TAS2R1: variants seen among roughly 807,000 people sequenced by gnomAD.
TAS2R1 encodes the protein taste 2 receptor member 1, also known as taste receptor type 2 member 1.
For synonymous variants in TAS2R1, 141 were observed against 134.2 expected (o/e 1.05, Z -0.35); for missense variants, 370 against 353.4 (o/e 1.05, Z -0.38).
chr5:9,849,000 G>C, the TAS2R1 span, among the ~76,000 whole-genome samples: 3 of 152,150 alleles, frequency 2.0e-5, no homozygotes, highest in Non-Finnish European at 4.4e-5. Context: ...AGAAGAATAC[G>C]TTTCCTTGCC....
the TAS2R1 span, among the ~76,000 whole-genome samples, chr5:9,774,636 A>G: frequency 6.6e-6 from 1 of 152,266 alleles, no homozygotes; most frequent in Non-Finnish European, 1.5e-5. Flanking sequence ...ATGTAGCCAT[A>G]TCTGCATTAG....
the TAS2R1 span, among the ~76,000 whole-genome samples, chr5:9,832,641 A>G: frequency 6.6e-6 from 1 of 152,258 alleles, no homozygotes; most frequent in Non-Finnish European, 1.5e-5. Flanking sequence ...GTAAATCAAA[A>G]GCAAAATGAG....
At chr5:9,722,054 CTCT>C in the TAS2R1 span, among the ~76,000 whole-genome samples, 1 of 152,232 alleles carries the variant, frequency 6.6e-6, no homozygotes, top group Non-Finnish European at 1.5e-5. Flanking sequence ...CTCTCTCTCT[CTCT>C]TCTTACTTGC....
rs193275292 is a variant in TAS2R1 at position 9,711,090 on chromosome 5, G to C, written c.-242+1082C>G. 6.9e-3 allele frequency among the ~76,000 whole-genome samples: 1,047 copies of C among 151,762 alleles called. 12 individuals carry two copies. Among genetic ancestry groups the C allele is most frequent in the African/African-American group, 0.024 (1,001 of 41,388 alleles). ...AAATGTAAAATGATGCAGCCTCTATGAAAAACACTATGGAGATCATCAAAA... is the reference window on the plus strand; with the variant it reads ...AAATGTAAAATGATGCAGCCTCTATCAAAAACACTATGGAGATCATCAAAA... On this transcript the variant is annotated intron_variant, in intron 1 of 2. Transcript: ENST00000506620.
At chr5:9,785,743 G>A in the TAS2R1 span, among the ~76,000 whole-genome samples, 9 of 152,152 alleles carry the variant, frequency 5.9e-5, no homozygotes, top group Non-Finnish European at 1.5e-5. Context: ...TCTAAAGACA[G>A]GGCAGGAGGT....
At chr5:9,894,750 A>G in the TAS2R1 span, among the ~76,000 whole-genome samples, 1 of 152,240 alleles carries the variant, frequency 6.6e-6, no homozygotes, top group South Asian at 2.1e-4. Context: ...TCCTAAAATG[A>G]GGTCATCAGC....
the TAS2R1 span, among the ~76,000 whole-genome samples, chr5:9,892,919 G>A: frequency 1.5e-4 from 23 of 151,986 alleles, no homozygotes; most frequent in African/African-American, 5.6e-4. Flanking sequence ...TTGCCCTTGT[G>A]GTCACTCTCA....
At chr5:9,659,359 G>A (rs1216275559) in intron 2 of TAS2R1, 1 of 152,104 alleles carries the variant, frequency 6.6e-6, no homozygotes, top group Non-Finnish European at 1.5e-5. Flanking sequence ...TCTAGACTTA[G>A]ACCAGCTGCC....
the TAS2R1 span, among the ~76,000 whole-genome samples, chr5:9,896,908 C>G: frequency 1.3e-5 from 2 of 152,186 alleles, no homozygotes; most frequent in Non-Finnish European, 2.9e-5. Context: ...AGGGAGACAA[C>G]AATTTGGCTC....
the TAS2R1 span, among the ~76,000 whole-genome samples, chr5:9,798,192 G>C: frequency 6.6e-6 from 1 of 152,238 alleles, no homozygotes; most frequent in South Asian, 2.1e-4. Context: ...TCTACAGAAA[G>C]AGAAGATTCG....
At chr5:9,802,189 A>G in the TAS2R1 span, among the ~76,000 whole-genome samples, 24 of 152,328 alleles carry the variant, frequency 1.6e-4, no homozygotes, top group Non-Finnish European at 2.9e-4. Context: ...CTCCCCTGCT[A>G]CCTTCATGGG....
the TAS2R1 span, among the ~76,000 whole-genome samples, chr5:9,824,839 A>G: frequency 1.2e-5 from 1 of 82,424 alleles, no homozygotes; most frequent in Admixed American, 1.4e-4. Flanking sequence ...AAGAGTGAAA[A>G]CTCTGAAAAA....
At chr5:9,667,390 C>A (rs866563154) in intron 1 of TAS2R1, among the ~76,000 whole-genome samples, 1 of 152,356 alleles carries the variant, frequency 6.6e-6, no homozygotes, top group African/African-American at 2.4e-5. Flanking sequence ...CCTGGAAATA[C>A]CTGGATTGCA....
At chr5:9,810,642 G>C in the TAS2R1 span, among the ~76,000 whole-genome samples, 1 of 152,098 alleles carries the variant, frequency 6.6e-6, no homozygotes, top group African/African-American at 2.4e-5. Context: ...GCAATGGAGA[G>C]ATTACCACCA....
the TAS2R1 span, among the ~76,000 whole-genome samples, chr5:9,789,189 T>C: frequency 4.5e-4 from 68 of 152,116 alleles, no homozygotes; most frequent in African/African-American, 1.5e-3. Flanking sequence ...GGAAAGGTAT[T>C]TGATACAAAG....
chr5:9,858,668 G>C, the TAS2R1 span, among the ~76,000 whole-genome samples: 1 of 152,152 alleles, frequency 6.6e-6, no homozygotes, highest in South Asian at 2.1e-4. Flanking sequence ...CAAAATGTCA[G>C]AACAAAGATT....
At chr5:9,840,872 T>TCA in the TAS2R1 span, among the ~76,000 whole-genome samples, 1 of 56,900 alleles carries the variant, frequency 1.8e-5, no homozygotes, top group Non-Finnish European at 2.9e-5. Context: ...TTTTTTTTTT[T>TCA]TTTTTTTTTT....
chr5:9,736,059 A>G, the TAS2R1 span, among the ~76,000 whole-genome samples: 1 of 152,048 alleles, frequency 6.6e-6, no homozygotes, highest in East Asian at 1.9e-4. Context: ...TGTTGTTTGC[A>G]TTTTTACTAG....
At chr5:9,900,498 C>T in the TAS2R1 span, among the ~76,000 whole-genome samples, 1 of 152,102 alleles carries the variant, frequency 6.6e-6, no homozygotes, top group Admixed American at 6.6e-5. Flanking sequence ...TTCAAGAAAG[C>T]TTAAACACAG....
Sources: gnomAD v4.1 joint callset for allele counts (sites outside exome capture counted in the v4.1 genomes callset) on GRCh38, gnomAD v4.1.1 for gene constraint, MANE v1.5 for transcripts, NCBI Gene and HGNC (gene_info 2026-07-23, HGNC 2026-07-21) for gene names.